The following ROBO2 variants were observed in gnomAD, a reference collection of about 807,000 sequenced individuals.
ROBO2 encodes roundabout guidance receptor 2.
In ROBO2, 53 loss-of-function variants were observed where a neutral mutation model predicts 160.8. That is an observed-to-expected ratio of 0.33 (90% CI 0.26 to 0.41). The LOEUF is 0.41. ROBO2 is among the 10% of genes least tolerant of loss of function. ROBO2 has a pLI of 1.00. For synonymous variants in ROBO2, 664 were observed against 611.7 expected (o/e 1.09, Z -1.26); for missense variants, 1,577 against 1,722.4 (o/e 0.92, Z 1.49).
chr3:76,628,282 C>G (rs1287077466), intron 2 of ROBO2, among the ~76,000 whole-genome samples: 1 of 152,096 alleles, frequency 6.6e-6, no homozygotes. Context: ...CAGGATCTCA[C>G]TCTGCCACCC....
chr3:75,982,163 C>T (rs374436910), intron 2 of ROBO2, among the ~76,000 whole-genome samples: 2 of 151,442 alleles, frequency 1.3e-5, no homozygotes, highest in Non-Finnish European at 3.0e-5. Context: ...TTTCTTTATC[C>T]GTTCTTCTGC....
exon 9 of ROBO2, chr3:77,558,076 G>C: frequency 6.2e-7 from 1 of 1,613,194 alleles, no homozygotes; most frequent in Non-Finnish European, 8.5e-7. Context: ...TTAAAGGAGG[G>C]ATTTACTTTT....
At chr3:76,199,208 T>C (rs562447612) in intron 2 of ROBO2, among the ~76,000 whole-genome samples, 9 of 152,104 alleles carry the variant, frequency 5.9e-5, no homozygotes, top group Non-Finnish European at 1.3e-4. Flanking sequence ...GTGTATGAGA[T>C]TCCTATTTGT....
intron 2 of ROBO2, among the ~76,000 whole-genome samples, chr3:77,254,886 T>A (rs1329374959): frequency 6.6e-6 from 1 of 152,216 alleles, no homozygotes; most frequent in Non-Finnish European, 1.5e-5. Flanking sequence ...AGGTCAGATC[T>A]TCTGACACAA....
At chr3:76,440,219 A>C (rs2076863082) in intron 2 of ROBO2, among the ~76,000 whole-genome samples, 1 of 152,134 alleles carries the variant, frequency 6.6e-6, no homozygotes, top group Non-Finnish European at 1.5e-5. Flanking sequence ...GTCCCAAGCA[A>C]GAATTTTAGT....
intron 2 of ROBO2, among the ~76,000 whole-genome samples, chr3:76,026,654 C>G (rs2066756789): frequency 6.6e-6 from 1 of 151,910 alleles, no homozygotes; most frequent in Non-Finnish European, 1.5e-5. Context: ...AGTACATGTT[C>G]TTACATTCTT....
At chr3:77,547,068 T>C (rs960316462) in intron 7 of ROBO2, among the ~76,000 whole-genome samples, 1 of 152,052 alleles carries the variant, frequency 6.6e-6, no homozygotes, top group Non-Finnish European at 1.5e-5. Flanking sequence ...CTTGTCTTTG[T>C]TCTGCCCTGG....
At chr3:77,561,911 C>CT (rs1187170640) in intron 9 of ROBO2, among the ~76,000 whole-genome samples, 5 of 151,922 alleles carry the variant, frequency 3.3e-5, no homozygotes, top group African/African-American at 1.2e-4. Flanking sequence ...CGAGACCAGC[C>CT]TGACCAACAT....
chr3:77,500,625 A>G (rs1389819695), intron 5 of ROBO2, among the ~76,000 whole-genome samples: 2 of 152,244 alleles, frequency 1.3e-5, no homozygotes, highest in Non-Finnish European at 2.9e-5. Flanking sequence ...TAAACTTAGA[A>G]CAGTTCAAGT....
intron 2 of ROBO2, among the ~76,000 whole-genome samples, chr3:76,833,308 A>G (rs1228629189): frequency 3.3e-5 from 5 of 152,162 alleles, no homozygotes; most frequent in Non-Finnish European, 7.3e-5. Context: ...ACATGTGACA[A>G]CTATTGGTGG....
chr3:77,425,975 TC>T (rs1257979729), intron 2 of ROBO2, among the ~76,000 whole-genome samples: 2 of 152,002 alleles, frequency 1.3e-5, no homozygotes, highest in African/African-American at 4.8e-5. Context: ...TTAATATGAT[TC>T]GTGGTGTGAC....
At chr3:77,315,099 A>T (rs2063861277) in intron 2 of ROBO2, among the ~76,000 whole-genome samples, 1 of 146,672 alleles carries the variant, frequency 6.8e-6, no homozygotes, top group African/African-American at 2.4e-5. Flanking sequence ...AAGTGCCTTA[A>T]TGTCTTCAAA....
chr3:76,322,563 G>C (rs2072654422), intron 2 of ROBO2, among the ~76,000 whole-genome samples: 1 of 152,000 alleles, frequency 6.6e-6, no homozygotes, highest in Non-Finnish European at 1.5e-5. Flanking sequence ...CTAGGCAAGT[G>C]GGTGGGTACA....
intron 23 of ROBO2, among the ~76,000 whole-genome samples, chr3:77,626,026 T>C (rs893168738): frequency 6.6e-6 from 1 of 152,144 alleles, no homozygotes; most frequent in African/African-American, 2.4e-5. Flanking sequence ...TCAAAATCAA[T>C]CAGTCTTACT....
At chr3:77,502,112 G>A (rs968230713) in intron 5 of ROBO2, among the ~76,000 whole-genome samples, 14 of 152,142 alleles carry the variant, frequency 9.2e-5, no homozygotes, top group African/African-American at 3.1e-4. Context: ...ATGCAGAGAG[G>A]GTAAATATGC....
intron 2 of ROBO2, among the ~76,000 whole-genome samples, chr3:76,492,591 A>G (rs926503615): frequency 4.6e-5 from 7 of 152,048 alleles, no homozygotes; most frequent in African/African-American, 1.7e-4. Flanking sequence ...AAAATAATCA[A>G]CTCAGTTCCT....
chr3:77,045,944 T>A (rs915334225), intron 1 of ROBO2, among the ~76,000 whole-genome samples: 6 of 152,234 alleles, frequency 3.9e-5, no homozygotes, highest in African/African-American at 1.4e-4. Flanking sequence ...AGCATATGCA[T>A]CAGTACATCA....
chr3:77,190,021 T>C (rs9877746), intron 2 of ROBO2, among the ~76,000 whole-genome samples: 31,322 of 151,860 alleles, frequency 0.21, 3,285 homozygotes, highest in Middle Eastern at 0.29. Context: ...GTGATCTTTA[T>C]AAAGTATACA....
At chr3:76,740,563 A>C (rs918418915) in intron 2 of ROBO2, among the ~76,000 whole-genome samples, 1 of 152,170 alleles carries the variant, frequency 6.6e-6, no homozygotes, top group African/African-American at 2.4e-5. Flanking sequence ...GACCTGGAAG[A>C]GTGAAGCATA....
Sources: gnomAD v4.1 joint callset for allele counts (sites outside exome capture counted in the v4.1 genomes callset) on GRCh38, gnomAD v4.1.1 for gene constraint, MANE v1.5 for transcripts, NCBI Gene and HGNC (gene_info 2026-07-23, HGNC 2026-07-21) for gene names.